TSHZ3: variants seen among roughly 807,000 people sequenced by gnomAD.
TSHZ3 encodes teashirt homolog 3.
TSHZ3 carries 10 observed loss-of-function variants against 64.5 expected under a neutral mutation model. The observed-to-expected ratio is 0.16, with a 90% CI of 0.10 to 0.26. TSHZ3 has a LOEUF of 0.26. TSHZ3 is among the 10% of genes least tolerant of loss of function. TSHZ3 has a pLI of 1.00. For synonymous variants in TSHZ3, 608 were observed against 593.1 expected (o/e 1.03, Z -0.36); for missense variants, 1,242 against 1,421.7 (o/e 0.87, Z 2.03).
At chr19:31,187,167 C>T (rs1974824841) in intron 5 of TSHZ3, among the ~76,000 whole-genome samples, 1 of 152,140 alleles carries the variant, frequency 6.6e-6, no homozygotes, top group African/African-American at 2.4e-5. Context: ...ACATGCTCCC[C>T]ACCCATAACC....
chr19:31,227,786 C>T (rs1428905795), intron 4 of TSHZ3, among the ~76,000 whole-genome samples: 1 of 152,174 alleles, frequency 6.6e-6, no homozygotes, highest in Non-Finnish European at 1.5e-5. Context: ...CAGTCCTATC[C>T]CTGCTGTCCC....
intron 1 of TSHZ3, among the ~76,000 whole-genome samples, chr19:31,331,688 C>G (rs1917099804): frequency 6.6e-6 from 1 of 152,226 alleles, no homozygotes. Flanking sequence ...TCACTGCGGC[C>G]AAGGTTTCTG....
chr19:31,256,435 T>C (rs1223064560), intron 1 of TSHZ3, among the ~76,000 whole-genome samples: 1 of 152,122 alleles, frequency 6.6e-6, no homozygotes, highest in Admixed American at 6.5e-5. Context: ...GACTCACCTG[T>C]AAGCAGATTG....
exon 7 of TSHZ3, among the ~76,000 whole-genome samples, chr19:31,150,961 A>T (rs1406069370): frequency 6.6e-6 from 1 of 151,838 alleles, no homozygotes. Flanking sequence ...TATCTCTGCA[A>T]CTCTTCTATT....
At chr19:31,154,713 C>T (rs1034630425) in intron 6 of TSHZ3, among the ~76,000 whole-genome samples, 4 of 152,182 alleles carry the variant, frequency 2.6e-5, no homozygotes, top group African/African-American at 7.2e-5. Context: ...TTGAACTTCC[C>T]GAGGTTCCAT....
At chr19:31,334,535 C>T (rs1917185869) in intron 1 of TSHZ3, among the ~76,000 whole-genome samples, 1 of 152,200 alleles carries the variant, frequency 6.6e-6, no homozygotes, top group South Asian at 2.1e-4. Flanking sequence ...CTGCCTTTCC[C>T]TCTCATCCTA....
rs10551485 is a variant in TSHZ3, at chr19:31,223,365, CGTGTGT to C, written n.686+4634_686+4639del. 8.4e-3 allele frequency among the ~76,000 whole-genome samples: 1,196 copies of C among 142,450 alleles called. 11 individuals carry two copies. The highest frequency in any genetic ancestry group is 0.015 in the Middle Eastern group (4 of 268). The allele number at this position is 142,450 out of a possible 152,430, so 93.5% of individuals were successfully genotyped here. On this transcript the variant is annotated intron_variant and non_coding_transcript_variant, in intron 4 of 6. Coordinates refer to the TSHZ3 transcript ENST00000651361. ...TGGACTCTAATTTTAGTTCTTATAACGTGTGTGTGTGTGTGTGTGTGTGTGTGTGTG... is the reference window on the plus strand; with the variant it reads ...TGGACTCTAATTTTAGTTCTTATAACGTGTGTGTGTGTGTGTGTGTGTGTG...
At chr19:31,263,587 T>C (rs2145200518) in intron 1 of TSHZ3, among the ~76,000 whole-genome samples, 1 of 152,228 alleles carries the variant, frequency 6.6e-6, no homozygotes, top group East Asian at 1.9e-4. Context: ...ACTTCCTGCA[T>C]GGGGCCACTT....
downstream of TSHZ3, among the ~76,000 whole-genome samples, chr19:31,270,511 A>G (rs1976120769): frequency 1.3e-5 from 2 of 152,188 alleles, no homozygotes; most frequent in African/African-American, 2.4e-5. Flanking sequence ...GGGTCTCACT[A>G]TGTGGCCCAG....
chr19:31,285,968 G>C (rs376640120), intron 1 of TSHZ3, among the ~76,000 whole-genome samples: 1 of 152,086 alleles, frequency 6.6e-6, no homozygotes, highest in Non-Finnish European at 1.5e-5. Context: ...CAAACCAACA[G>C]CTGCAAAGAT....
intron 5 of TSHZ3, among the ~76,000 whole-genome samples, chr19:31,197,500 T>C (rs1261875294): frequency 1.4e-5 from 2 of 143,616 alleles, no homozygotes; most frequent in African/African-American, 5.1e-5. Flanking sequence ...AAAAAAAAAA[T>C]AGAGAAAATT....
At chr19:31,196,092 T>C (rs1391156881) in intron 5 of TSHZ3, among the ~76,000 whole-genome samples, 1 of 152,000 alleles carries the variant, frequency 6.6e-6, no homozygotes, top group Non-Finnish European at 1.5e-5. Context: ...TGTGTGTGTG[T>C]ATGTATACAT....
At chr19:31,297,658 G>A (rs1976688689) in intron 1 of TSHZ3, among the ~76,000 whole-genome samples, 2 of 152,018 alleles carry the variant, frequency 1.3e-5, no homozygotes, top group Admixed American at 6.5e-5. Flanking sequence ...TGTAGAGTCA[G>A]GGTCTAGCTA....
Position 31,278,356 on chromosome 19 carries a change from C to T in TSHZ3, c.1437G>A (p.Ala479=), listed in dbSNP as rs555667229. ...EVKKEVDKEK[A]VTDEKPKQKD... is the part of the protein sequence containing the mutation. The stretch of plus-strand genomic sequence containing the variant: ...TTTGCTTAGGTTTCTCGTCAGTGAC[C>T]GCTTTCTCCTTGTCGACTTCCTTCT... Residue 479 remains alanine (A), a synonymous_variant, in exon 2 of 2, where the codon GCG becomes GCA. Coordinates refer to ENST00000240587, the MANE Select transcript of TSHZ3 (RefSeq NM_020856.4). This position sits in a 1 kb window ranked among gnomAD's most constrained non-coding sequence, Gnocchi z 4.7. 44 of 1,614,182 alleles carry T rather than the reference C, an allele frequency of 2.7e-5. No homozygotes were observed. Among genetic ancestry groups the T allele is most frequent in the Admixed American group, 2.5e-4 (15 of 60,020 alleles).
chr19:31,179,809 ATGGTGG>A (rs1196504385), intron 5 of TSHZ3, among the ~76,000 whole-genome samples: 74 of 131,428 alleles, frequency 5.6e-4, no homozygotes, highest in African/African-American at 2.2e-3. Context: ...AACAATGATG[ATGGTGG>A]TGGTGATGAT....
At chr19:31,345,768 A>C (rs1420657336) in intron 1 of TSHZ3, among the ~76,000 whole-genome samples, 1 of 152,112 alleles carries the variant, frequency 6.6e-6, no homozygotes, top group African/African-American at 2.4e-5. Flanking sequence ...TAAGTAAAAT[A>C]TCTGCTATTA....
chr19:31,226,139 A>G (rs76678069), intron 4 of TSHZ3, among the ~76,000 whole-genome samples: 1 of 151,710 alleles, frequency 6.6e-6, no homozygotes, highest in African/African-American at 2.4e-5. Flanking sequence ...AAAAAAAAAA[A>G]AGCAATGTGT....
chr19:31,150,142 TC>T (rs1298693535), exon 7 of TSHZ3, among the ~76,000 whole-genome samples: 1 of 152,116 alleles, frequency 6.6e-6, no homozygotes, highest in Admixed American at 6.5e-5. Flanking sequence ...GTGATTTTTT[TC>T]CCCTTCTTTT....
intron 1 of TSHZ3, among the ~76,000 whole-genome samples, chr19:31,258,725 G>T (rs1191383263): frequency 6.6e-6 from 1 of 152,210 alleles, no homozygotes; most frequent in East Asian, 1.9e-4. Flanking sequence ...TGATGCCTGA[G>T]ATTCTCGGAG....
Sources: allele counts gnomAD v4.1 joint callset (sites outside exome capture counted in the v4.1 genomes callset), GRCh38; gene constraint gnomAD v4.1.1; non-coding constraint Gnocchi (gnomAD v3.1); transcripts MANE v1.5; gene names NCBI Gene and HGNC (gene_info 2026-07-23, HGNC 2026-07-21).